MAP2K5: variants seen among roughly 807,000 people sequenced by gnomAD.
The protein encoded by MAP2K5 is dual specificity mitogen-activated protein kinase kinase 5.
In MAP2K5, 49 loss-of-function variants were observed where a neutral mutation model predicts 83.1. That is an observed-to-expected ratio of 0.59 (90% confidence interval 0.47 to 0.75). The LOEUF (loss-of-function observed/expected upper bound fraction) is 0.75, where lower values mean the gene tolerates loss of function less well. MAP2K5 is among the 30% of genes least tolerant of loss of function. The pLI, the probability that MAP2K5 is intolerant of heterozygous loss-of-function variation, is 0.00. For synonymous variants in MAP2K5, 202 were observed against 191.8 expected (o/e 1.05, Z -0.44); for missense variants, 457 against 557.5 (o/e 0.82, Z 1.82).
intron 8 of MAP2K5, among the ~76,000 whole-genome samples, chr15:67,607,861 G>T (rs2085814919): frequency 1.3e-5 from 2 of 151,994 alleles, no homozygotes; most frequent in Admixed American, 6.6e-5. Context: ...TAACAAAATT[G>T]TTCTAGTATA....
Position 67,543,359 on chromosome 15 carries a change from C to G in MAP2K5, c.24C>G (p.Pro8=), listed in dbSNP as rs763715922. Reference sequence around the variant, plus strand: ...TAATGCTGTGGCTAGCCCTTGGCCCCTTTCCTGCCATGGAGAACCAGGTGC... The same window carrying G: ...TAATGCTGTGGCTAGCCCTTGGCCCGTTTCCTGCCATGGAGAACCAGGTGC... MLWLALG[P]FPAMENQVLV... Residue 8 remains proline, a synonymous_variant, in exon 1 of 22, where the codon CCC becomes CCG. Coordinates refer to ENST00000178640, the MANE Select transcript of MAP2K5 (RefSeq NM_145160.3). The surrounding 1 kb of genome is among the most constrained non-coding windows in gnomAD (Gnocchi z 4.3). The G allele has an allele frequency of 1.9e-6, 3 of 1,614,244 alleles. No homozygotes were observed. The highest frequency in any genetic ancestry group is 2.5e-6 in the Non-Finnish European group (3 of 1,180,044).
intron 21 of MAP2K5, among the ~76,000 whole-genome samples, chr15:67,787,426 G>A (rs1366849574): frequency 6.6e-6 from 1 of 152,152 alleles, no homozygotes; most frequent in African/African-American, 2.4e-5. Flanking sequence ...TTGCTAACCT[G>A]CCTTTGCAAT....
Position 67,772,740 on chromosome 15 carries a change from T to C in MAP2K5, c.1230T>C (p.Pro410=). ...MRKQPKERPA[P]EELMGHPFIV... ...AACAGCCAAAAGAAAGGCCAGCACC[T>C]GAAGAATTGATGGTAAGTGAATGTT... Residue 410 remains proline, a synonymous_variant, in exon 21 of 22, where the codon CCT becomes CCC. Coordinates refer to ENST00000178640, the MANE Select transcript of MAP2K5 (RefSeq NM_145160.3). 5 of 1,603,074 alleles carry C rather than the reference T, an allele frequency of 3.1e-6. No homozygotes were observed. The highest frequency in any genetic ancestry group is 4.3e-6 in the Non-Finnish European group (5 of 1,174,508).
rs1244758271 is a variant in MAP2K5 at position 67,746,389 on chromosome 15, AAC to A, written c.1075-1841_1075-1840del. Among the ~76,000 whole-genome samples, 2 of 152,164 alleles carry A rather than the reference AAC, an allele frequency of 1.3e-5. No homozygotes were observed. The highest frequency in any genetic ancestry group is 2.9e-5 in the Non-Finnish European group (2 of 68,018). ...TTCTGATTCTTTATTCATTACAAAT[AAC>A]TCCGTTGTTGAAGCAGATATATCTT... On this transcript the variant is annotated intron_variant, in intron 17 of 21. Coordinates refer to ENST00000178640, the MANE Select transcript of MAP2K5 (RefSeq NM_145160.3). This position sits in a 1 kb window ranked among gnomAD's most constrained non-coding sequence, Gnocchi z 4.1.
Position 67,658,555 on chromosome 15 carries a change from G to T in MAP2K5, c.739G>T (p.Gly247Ter), listed in dbSNP as rs150713138. 8.1e-6 allele frequency: 13 copies of T among 1,611,174 alleles called. No individual in the cohort carries two copies. Among genetic ancestry groups the T allele is most frequent in the Non-Finnish European group, 1.1e-5 (13 of 1,177,776 alleles). The change falls in exon 12 of 22, where the codon GGA becomes TGA. Residue 247 changes from glycine (G) to a stop codon, truncating the protein, a stop_gained and splice_region_variant. Coordinates refer to ENST00000178640, the MANE Select transcript of MAP2K5 (RefSeq NM_145160.3). LOFTEE classifies it high-confidence loss of function. ...ISICTEFMDGGSLDVYRKMPE... is the reference protein window; with the variant it reads ...ISICTEFMDG ...ACATGGCATGTTTATCTCTACAGGGGGATCTTTGGATGTATATAGGAAAAT... is the reference window on the plus strand; with the variant it reads ...ACATGGCATGTTTATCTCTACAGGGTGATCTTTGGATGTATATAGGAAAAT...
In MAP2K5 at chr15:67,552,306, T is replaced by C. The variant is rs1427258488; in HGVS notation, c.184+2224T>C. ...TATTCAGACTCTTTGCAGTAACTCC[T>C]TGCAGGTTCCACGGGTTTCATGGAC... On this transcript the variant is annotated intron_variant, in intron 2 of 21. Coordinates refer to ENST00000178640, the MANE Select transcript of MAP2K5 (RefSeq NM_145160.3). This position sits in a 1 kb window ranked among gnomAD's most constrained non-coding sequence, Gnocchi z 4.2. Among the ~76,000 whole-genome samples, 1 of 152,226 alleles carries C rather than the reference T, an allele frequency of 6.6e-6. No homozygotes were observed. Among genetic ancestry groups the C allele is most frequent in the Non-Finnish European group, 1.5e-5 (1 of 68,040 alleles).
chr15:67,705,609 A>G (rs112367013), intron 16 of MAP2K5, among the ~76,000 whole-genome samples: 2,736 of 152,048 alleles, frequency 0.018, 97 homozygotes, highest in African/African-American at 0.063. Flanking sequence ...GGTGGTGTAC[A>G]CCTGTAATCC....
intron 9 of MAP2K5, among the ~76,000 whole-genome samples, chr15:67,633,714 TACTC>T (rs1272689069): frequency 2.0e-5 from 3 of 152,248 alleles, no homozygotes; most frequent in Admixed American, 6.5e-5. Context: ...ATATAGTAGA[TACTC>T]ACACTGAATT....
intron 16 of MAP2K5, among the ~76,000 whole-genome samples, chr15:67,713,923 T>A (rs1165531174): frequency 6.6e-6 from 1 of 152,224 alleles, no homozygotes; most frequent in Non-Finnish European, 1.5e-5. Flanking sequence ...TCAGTTCACA[T>A]ATTGGCACCA....
intron 13 of MAP2K5, among the ~76,000 whole-genome samples, chr15:67,673,666 G>C (rs1235749232): frequency 6.6e-6 from 1 of 152,068 alleles, no homozygotes; most frequent in Non-Finnish European, 1.5e-5. Flanking sequence ...GGAAAGTATT[G>C]CTATCAATAG....
rs76453530 is a variant in MAP2K5 at position 67,607,539 on chromosome 15, C to G, written c.545+6790C>G. Among the ~76,000 whole-genome samples the G allele has an allele frequency of 7.9e-5, 12 of 152,324 alleles. No homozygotes were observed. In the East Asian group the frequency reaches 2.3e-3, roughly 29 times the overall value. On this transcript the variant is annotated intron_variant, in intron 8 of 21. Coordinates refer to ENST00000178640, the MANE Select transcript of MAP2K5 (RefSeq NM_145160.3). The stretch of plus-strand genomic sequence containing the variant: ...TGATGTATTATTGGCATCCAGCCAA[C>G]ATGACAGGATGTCACAGGTCGCTGA...
At chr15:67,631,048 A>C (rs1485379843) in intron 9 of MAP2K5, 121 bp downstream of exon 9, 3 of 725,470 alleles carry the variant, frequency 4.1e-6, no homozygotes, top group East Asian at 2.7e-5. Flanking sequence ...GATGGTAGGT[A>C]GGGGAAGCTG....
In MAP2K5 at chr15:67,736,877, T is replaced by C. The variant is rs900597554; in HGVS notation, c.1074+8932T>C. On this transcript the variant is annotated intron_variant, in intron 17 of 21. Coordinates refer to ENST00000178640, the MANE Select transcript of MAP2K5 (RefSeq NM_145160.3). This position sits in a 1 kb window ranked among gnomAD's most constrained non-coding sequence, Gnocchi z 4.3. ...CTTTTATTGATGCAGTCTGCTACTTTATGGAATCATAGGATTTCAGCATGT... is the reference window on the plus strand; with the variant it reads ...CTTTTATTGATGCAGTCTGCTACTTCATGGAATCATAGGATTTCAGCATGT... 6.6e-6 allele frequency among the ~76,000 whole-genome samples: 1 copy of C among 152,234 alleles called. No individual in the cohort carries two copies. Among genetic ancestry groups the C allele is most frequent in the Admixed American group, 6.5e-5 (1 of 15,288 alleles).
rs752127319 is a variant in MAP2K5 at position 67,769,607 on chromosome 15, G to C, written c.1140G>C (p.Ser380=). The change falls in exon 20 of 22, where the codon TCG becomes TCC. Residue 380 remains serine (S), a synonymous_variant. Transcript: ENST00000178640. The surrounding 1 kb of genome is among the most constrained non-coding windows in gnomAD (Gnocchi z 5.2). ...QLLQCIVDED[S]PVLPVGEFSE... The stretch of plus-strand genomic sequence containing the variant: ...ATGTTTTTCCTCCATCACAGGATTC[G>C]CCCGTCCTTCCAGTTGGAGAGTTCT... 6.2e-7 allele frequency: 1 copy of C among 1,613,604 alleles called. No individual in the cohort carries two copies. The highest frequency in any genetic ancestry group is 2.2e-5 in the East Asian group (1 of 44,870).
intron 13 of MAP2K5, among the ~76,000 whole-genome samples, chr15:67,672,240 T>C (rs1253693518): frequency 6.6e-6 from 1 of 150,926 alleles, no homozygotes; most frequent in Non-Finnish European, 1.5e-5. Context: ...ATCGCCACAC[T>C]GACTTCCACA....
chr15:67,607,003 T>C (rs1374709090), intron 8 of MAP2K5, among the ~76,000 whole-genome samples: 1 of 152,352 alleles, frequency 6.6e-6, no homozygotes, highest in East Asian at 1.9e-4. Context: ...CCAGCTTCGC[T>C]TGTGGCTGTG....
In MAP2K5 at chr15:67,782,372, G is replaced by C. The variant is rs1012241937; in HGVS notation, c.1242+9620G>C. ...ATGTAAACAAAATTTAGCAGAAACA[G>C]ATGCCCTAACCATTTTGGGGGATTG... On this transcript the variant is annotated intron_variant, in intron 21 of 21. Coordinates refer to ENST00000178640, the MANE Select transcript of MAP2K5 (RefSeq NM_145160.3). This position sits in a 1 kb window ranked among gnomAD's most constrained non-coding sequence, Gnocchi z 4.9. 2.0e-5 allele frequency among the ~76,000 whole-genome samples: 3 copies of C among 152,248 alleles called. No homozygotes were observed. Among genetic ancestry groups the C allele is most frequent in the African/African-American group, 7.2e-5 (3 of 41,472 alleles).
At chr15:67,683,482 C>T (rs1030982206) in intron 13 of MAP2K5, among the ~76,000 whole-genome samples, 16 of 152,086 alleles carry the variant, frequency 1.1e-4, no homozygotes, top group Admixed American at 5.2e-4. Context: ...GAAAGGGAGG[C>T]GGGGTGTGGT....
In MAP2K5 at chr15:67,590,446, C is replaced by CCTCTCTCT. The variant is rs57701485; in HGVS notation, c.432-2457_432-2450dup. Among the ~76,000 whole-genome samples the CCTCTCTCT allele has an allele frequency of 4.6e-4, 14 of 30,552 alleles. 2 individuals are homozygous for CCTCTCTCT. Among genetic ancestry groups the CCTCTCTCT allele is most frequent in the African/African-American group, 1.5e-3 (13 of 8,530 alleles). The allele number at this position is 30,552 out of a possible 152,430, so 20.0% of individuals were successfully genotyped here. On this transcript the variant is annotated intron_variant, in intron 6 of 21. Transcript: ENST00000178640. ...CCCTCCCTCTCTCTCTCCCTCCCTC[C>CCTCTCTCT]CTCTCTCTCTCTCTCTCTCTCTCTC...
Sources: gnomAD v4.1 joint callset for allele counts (sites outside exome capture counted in the v4.1 genomes callset) on GRCh38, gnomAD v4.1.1 for gene constraint, Gnocchi (gnomAD v3.1) non-coding constraint, MANE v1.5 for transcripts, NCBI Gene and HGNC (gene_info 2026-07-23, HGNC 2026-07-21) for gene names.